Variants in RORA observed in about 807,000 individuals in gnomAD.
The protein encoded by RORA is RAR related orphan receptor A, also known as nuclear receptor ROR-alpha.
In RORA, 7 loss-of-function variants were observed where a neutral mutation model predicts 69.5. That is an observed-to-expected ratio of 0.10 (90% CI 0.06 to 0.19). The LOEUF is 0.19. Ranked by LOEUF, RORA falls within the 10% of genes least tolerant of loss-of-function variation. RORA has a pLI of 1.00. For missense variants in RORA, 457 were observed against 663.0 expected, an observed-to-expected ratio of 0.69 and a Z score of 3.41; for synonymous variants, 261 against 240.8, an observed-to-expected ratio of 1.08 and a Z score of -0.78.
chr15:61,033,049 T>A (rs1158820027), intron 1 of RORA, among the ~76,000 whole-genome samples: 2 of 152,152 alleles, frequency 1.3e-5, no homozygotes, highest in Non-Finnish European at 2.9e-5. Context: ...GGGAACAGAT[T>A]CAGATCTGCA....
chr15:60,565,809 A>G (rs950228995), intron 2 of RORA, among the ~76,000 whole-genome samples: 4 of 152,206 alleles, frequency 2.6e-5, no homozygotes, highest in Non-Finnish European at 5.9e-5. Context: ...ATCCTCTCAA[A>G]GAACCACTTA....
At chr15:60,940,314 G>T (rs1000690473) in intron 1 of RORA, among the ~76,000 whole-genome samples, 2 of 152,162 alleles carry the variant, frequency 1.3e-5, no homozygotes, top group Admixed American at 1.3e-4. Flanking sequence ...CCATACGATG[G>T]AATACTATTC....
At chr15:60,516,057 TTATATA>T (rs373418788) in intron 3 of RORA, among the ~76,000 whole-genome samples, 1 of 6,090 alleles carries the variant, frequency 1.6e-4, no homozygotes, top group Non-Finnish European at 3.2e-4. Flanking sequence ...TTATATATAT[TTATATA>T]TATTTATATA....
At chr15:61,126,940 T>G (rs2079147880) in intron 1 of RORA, among the ~76,000 whole-genome samples, 1 of 152,216 alleles carries the variant, frequency 6.6e-6, no homozygotes, top group African/African-American at 2.4e-5. Flanking sequence ...TCCAATATAT[T>G]TTTGGCGGAG....
At chr15:61,220,260 A>G (rs1700929529) in intron 1 of RORA, among the ~76,000 whole-genome samples, 1 of 152,226 alleles carries the variant, frequency 6.6e-6, no homozygotes, top group Non-Finnish European at 1.5e-5. Context: ...GAGAGTTATG[A>G]GCAGTTCACC....
chr15:60,867,733 T>C (rs2073506535), intron 1 of RORA, among the ~76,000 whole-genome samples: 1 of 152,204 alleles, frequency 6.6e-6, no homozygotes, highest in African/African-American at 2.4e-5. Flanking sequence ...ATTCTCTATA[T>C]GAGATCCTAT....
At chr15:60,608,573 G>T (rs957812662) in intron 2 of RORA, among the ~76,000 whole-genome samples, 1 of 152,144 alleles carries the variant, frequency 6.6e-6, no homozygotes, top group African/African-American at 2.4e-5. Flanking sequence ...ATTGAAAACT[G>T]ATTTCCTGTT....
At chr15:60,880,654 C>A (rs1011657047) in intron 1 of RORA, among the ~76,000 whole-genome samples, 6 of 152,248 alleles carry the variant, frequency 3.9e-5, no homozygotes, top group African/African-American at 1.4e-4. Flanking sequence ...CAATGAATTT[C>A]AACAACTTCA....
At chr15:60,595,996 TG>T (rs2068658409) in intron 2 of RORA, among the ~76,000 whole-genome samples, 1 of 152,178 alleles carries the variant, frequency 6.6e-6, no homozygotes, top group African/African-American at 2.4e-5. Context: ...GGGGAAAAGA[TG>T]GGTGCATTTT....
intron 2 of RORA, chr15:60,558,392 A>T: frequency 1.3e-6 from 1 of 797,404 alleles, no homozygotes. Flanking sequence ...ACAAAACAGG[A>T]ACATCTCATG....
intron 2 of RORA, among the ~76,000 whole-genome samples, chr15:60,565,418 T>C (rs1046162009): frequency 2.6e-5 from 4 of 152,216 alleles, no homozygotes; most frequent in African/African-American, 9.7e-5. Flanking sequence ...CAGAGACATT[T>C]GGAATACCTT....
chr15:60,702,334 C>T (rs561984553), intron 1 of RORA, among the ~76,000 whole-genome samples: 1 of 152,194 alleles, frequency 6.6e-6, no homozygotes, highest in South Asian at 2.1e-4. Flanking sequence ...TGGGTTGATG[C>T]GATTCTCCTG....
intron 1 of RORA, among the ~76,000 whole-genome samples, chr15:60,973,814 G>A (rs148288756): frequency 2.4e-4 from 36 of 152,336 alleles, no homozygotes; most frequent in African/African-American, 8.4e-4. Context: ...TTCTGTAACC[G>A]TGGGTCGGAG....
In RORA at chr15:61,220,680, C is replaced by T. The variant is rs191862557; in HGVS notation, c.166+8373G>A. ...TTTACACCCTAGGAAAGCAGCTCAC[C>T]GTGCCCTTCAGACCTATTCTTGCTG... On this transcript the variant is annotated intron_variant, in intron 1 of 10. Transcript: ENST00000335670. Among the ~76,000 whole-genome samples the T allele has an allele frequency of 1.5e-3, 222 of 152,294 alleles. 5 individuals carry two copies. The South Asian group carries it at 0.018, about 12-fold the overall frequency.
intron 1 of RORA, among the ~76,000 whole-genome samples, chr15:60,777,922 A>C (rs185500846): frequency 7.9e-5 from 12 of 152,352 alleles, no homozygotes; most frequent in Admixed American, 5.9e-4. Context: ...ACAAAAGCAC[A>C]TCTGGAGGAT....
chr15:60,996,121 A>T (rs1410418039), intron 1 of RORA, among the ~76,000 whole-genome samples: 1 of 150,844 alleles, frequency 6.6e-6, no homozygotes, highest in Non-Finnish European at 1.5e-5. Context: ...CCCAGGCTGC[A>T]GTACAGTGGT....
intron 1 of RORA, among the ~76,000 whole-genome samples, chr15:60,946,989 C>G (rs550646965): frequency 6.6e-6 from 1 of 151,720 alleles, no homozygotes; most frequent in Non-Finnish European, 1.5e-5. Flanking sequence ...CCCCTCCGTC[C>G]GGCAGCCGCC....
chr15:60,545,333 T>C (rs953400738), intron 2 of RORA, among the ~76,000 whole-genome samples: 1 of 152,194 alleles, frequency 6.6e-6, no homozygotes, highest in African/African-American at 2.4e-5. Flanking sequence ...CTAGCACTTA[T>C]GAGGAATTAT....
chr15:60,746,872 C>T (rs1389966420), intron 1 of RORA, among the ~76,000 whole-genome samples: 1 of 152,170 alleles, frequency 6.6e-6, no homozygotes, highest in Non-Finnish European at 1.5e-5. Context: ...CTTAGTTAAA[C>T]CCGAGGAACT....
Sources: gnomAD v4.1 joint callset for allele counts (sites outside exome capture counted in the v4.1 genomes callset) on GRCh38, gnomAD v4.1.1 for gene constraint, MANE v1.5 for transcripts, NCBI Gene and HGNC (gene_info 2026-07-23, HGNC 2026-07-21) for gene names.